SH3GL2: variants seen among roughly 807,000 people sequenced by gnomAD.
The protein encoded by SH3GL2 is endophilin-A1.
SH3GL2 carries 24 observed loss-of-function variants against 46.0 expected under a neutral mutation model. The ratio of observed to expected loss-of-function variants is 0.52; its 90% CI spans 0.38 to 0.73. The LOEUF (loss-of-function observed/expected upper bound fraction) is 0.73, where lower values mean the gene tolerates loss of function less well. Among genes scored for constraint, SH3GL2 ranks in the 30% least tolerant of loss-of-function variants. The probability of loss-of-function intolerance (pLI) is 0.00; values close to 1 mark genes in which losing one functional copy is unlikely to be tolerated. For missense variants in SH3GL2, 413 were observed against 424.2 expected (o/e 0.97, Z 0.23); for synonymous variants, 196 against 147.1 (o/e 1.33, Z -2.40).
chr9:17,704,020 A>G (rs1436718589), intron 1 of SH3GL2, among the ~76,000 whole-genome samples: 3 of 152,090 alleles, frequency 2.0e-5, no homozygotes, highest in African/African-American at 4.8e-5. Flanking sequence ...TGTAGACCAT[A>G]TGGTTCTATA....
At chr9:17,705,358 G>T (rs980059008) in intron 1 of SH3GL2, among the ~76,000 whole-genome samples, 4 of 151,920 alleles carry the variant, frequency 2.6e-5, no homozygotes, top group Non-Finnish European at 4.4e-5. Context: ...ACTTCAAACG[G>T]AATTACCACT....
intron 1 of SH3GL2, among the ~76,000 whole-genome samples, chr9:17,642,527 G>A (rs1329217437): frequency 6.6e-6 from 1 of 152,176 alleles, no homozygotes; most frequent in African/African-American, 2.4e-5. Flanking sequence ...GTTAATTTTT[G>A]TATAAGTTGT....
chr9:17,698,696 T>G (rs1417922828), intron 1 of SH3GL2, among the ~76,000 whole-genome samples: 2 of 152,204 alleles, frequency 1.3e-5, no homozygotes, highest in Non-Finnish European at 2.9e-5. Flanking sequence ...CTGACTTTGT[T>G]TCTGCTTATG....
chr9:17,629,233 G>C (rs922270536), intron 1 of SH3GL2, among the ~76,000 whole-genome samples: 2 of 152,070 alleles, frequency 1.3e-5, no homozygotes, highest in Non-Finnish European at 2.9e-5. Context: ...ATTAAACAAA[G>C]GGGTTGTATG....
chr9:17,785,655 T>G (rs933372520), intron 3 of SH3GL2, among the ~76,000 whole-genome samples: 1 of 152,184 alleles, frequency 6.6e-6, no homozygotes, highest in African/African-American at 2.4e-5. Context: ...TTAATAAAGC[T>G]GTTTTTGCCA....
intron 3 of SH3GL2, among the ~76,000 whole-genome samples, chr9:17,784,789 T>G (rs1024424065): frequency 3.3e-5 from 5 of 152,186 alleles, no homozygotes; most frequent in African/African-American, 1.2e-4. Context: ...CATAGCTCAC[T>G]ACCGCCTCAA....
At chr9:17,623,052 C>A (rs1378158342) in intron 1 of SH3GL2, among the ~76,000 whole-genome samples, 1 of 54,476 alleles carries the variant, frequency 1.8e-5, no homozygotes, top group African/African-American at 5.6e-5. Context: ...TTCCCCTTCC[C>A]CTTCCCCTTC....
chr9:17,584,416 T>A (rs1818333245), intron 1 of SH3GL2, among the ~76,000 whole-genome samples: 1 of 152,062 alleles, frequency 6.6e-6, no homozygotes. Flanking sequence ...GGCAGGAGAA[T>A]TGCCTGAACC....
At chr9:17,595,494 T>A (rs1420391372) in intron 1 of SH3GL2, among the ~76,000 whole-genome samples, 1 of 152,186 alleles carries the variant, frequency 6.6e-6, no homozygotes, top group Non-Finnish European at 1.5e-5. Context: ...TGTAAACTGT[T>A]AAAACACTTC....
chr9:17,734,940 G>T (rs4961445), intron 1 of SH3GL2, among the ~76,000 whole-genome samples: 30,050 of 151,982 alleles, frequency 0.2, 3,468 homozygotes, highest in East Asian at 0.39. Flanking sequence ...ACTTTAAACG[G>T]GTGAACTTTA....
At chr9:17,700,446 C>T (rs1821319324) in intron 1 of SH3GL2, among the ~76,000 whole-genome samples, 1 of 152,204 alleles carries the variant, frequency 6.6e-6, no homozygotes, top group South Asian at 2.1e-4. Flanking sequence ...ATCTGTGGGA[C>T]TCTAGAGGAG....
intron 1 of SH3GL2, among the ~76,000 whole-genome samples, chr9:17,682,705 A>C (rs149592012): frequency 6.6e-6 from 1 of 151,874 alleles, no homozygotes; most frequent in Non-Finnish European, 1.5e-5. Flanking sequence ...AAAGGAAAAC[A>C]TGGGCTTAAA....
chr9:17,641,651 T>C (rs1819685802), intron 1 of SH3GL2, among the ~76,000 whole-genome samples: 1 of 152,198 alleles, frequency 6.6e-6, no homozygotes, highest in African/African-American at 2.4e-5. Flanking sequence ...CCATGTGTTC[T>C]CATTGTTCAA....
At chr9:17,581,110 T>C (rs1399734576) in intron 1 of SH3GL2, among the ~76,000 whole-genome samples, 3 of 152,250 alleles carry the variant, frequency 2.0e-5, no homozygotes, top group Non-Finnish European at 4.4e-5. Flanking sequence ...GTTATTGACA[T>C]AAAGGATATT....
chr9:17,730,377 C>A (rs967768244), intron 1 of SH3GL2, among the ~76,000 whole-genome samples: 2 of 152,100 alleles, frequency 1.3e-5, no homozygotes, highest in African/African-American at 2.4e-5. Context: ...ATGGGATTTT[C>A]TAAATATCCA....
chr9:17,688,046 A>G (rs1465791929), intron 1 of SH3GL2, among the ~76,000 whole-genome samples: 1 of 152,062 alleles, frequency 6.6e-6, no homozygotes, highest in African/African-American at 2.4e-5. Flanking sequence ...TATACAAGTT[A>G]GCCTTCTGCT....
chr9:17,653,433 G>A (rs747288320), intron 1 of SH3GL2, among the ~76,000 whole-genome samples: 1 of 151,922 alleles, frequency 6.6e-6, no homozygotes, highest in Admixed American at 6.6e-5. Context: ...TTACCTTTAA[G>A]ATGCCATCTG....
intron 1 of SH3GL2, among the ~76,000 whole-genome samples, chr9:17,663,611 C>G (rs114985766): frequency 6.6e-6 from 1 of 152,276 alleles, no homozygotes; most frequent in African/African-American, 2.4e-5. Context: ...CGTTTCGTAG[C>G]TACCTGCTAA....
chr9:17,674,257 G>T (rs1291101508), intron 1 of SH3GL2, among the ~76,000 whole-genome samples: 1 of 151,972 alleles, frequency 6.6e-6, no homozygotes, highest in Non-Finnish European at 1.5e-5. Flanking sequence ...GTGTATGTGT[G>T]TGATTTTATT....
Sources: allele counts gnomAD v4.1 joint callset (sites outside exome capture counted in the v4.1 genomes callset), GRCh38; gene constraint gnomAD v4.1.1; transcripts MANE v1.5; gene names NCBI Gene and HGNC (gene_info 2026-07-23, HGNC 2026-07-21).